Variants in STARD13 observed in about 807,000 individuals in gnomAD.
STARD13 encodes StAR related lipid transfer domain containing 13.
STARD13 carries 62 observed loss-of-function variants against 106.4 expected under a neutral mutation model. That is an observed-to-expected ratio of 0.58 (90% CI 0.48 to 0.72). The LOEUF is 0.72. STARD13 is among the 30% of genes least tolerant of loss of function. The pLI is 0.00. For missense variants in STARD13, 1,387 were observed against 1,424.0 expected (o/e 0.97, Z 0.42); for synonymous variants, 565 against 553.0 (o/e 1.02, Z -0.31).
At chr13:33,460,178 T>C in the STARD13 span, among the ~76,000 whole-genome samples, 2 of 152,102 alleles carry the variant, frequency 1.3e-5, no homozygotes, top group East Asian at 3.9e-4. Flanking sequence ...AATTATGGGA[T>C]GAAGGTCAAT....
chr13:33,188,788 A>G (rs775965455), intron 1 of STARD13, among the ~76,000 whole-genome samples: 5 of 152,224 alleles, frequency 3.3e-5, no homozygotes, highest in African/African-American at 1.2e-4. Flanking sequence ...TACTGACCAG[A>G]TGGGTACAAT....
the STARD13 span, among the ~76,000 whole-genome samples, chr13:33,505,435 A>G: frequency 6.6e-6 from 1 of 152,200 alleles, no homozygotes; most frequent in Non-Finnish European, 1.5e-5. Context: ...GAATCTTTAT[A>G]TATAGTAGGA....
chr13:33,136,120 C>A (rs199589779), intron 4 of STARD13, among the ~76,000 whole-genome samples: 9 of 145,356 alleles, frequency 6.2e-5, no homozygotes, highest in East Asian at 2.0e-4. Context: ...GACTCTACCT[C>A]AAAAAAAAAA....
chr13:33,438,688 C>A, the STARD13 span, among the ~76,000 whole-genome samples: 1 of 152,132 alleles, frequency 6.6e-6, no homozygotes, highest in Non-Finnish European at 1.5e-5. Context: ...GGCCTCCTTG[C>A]AAATCTCCCC....
chr13:33,115,220 T>C (rs1019068731), intron 8 of STARD13, among the ~76,000 whole-genome samples: 4 of 152,158 alleles, frequency 2.6e-5, no homozygotes, highest in African/African-American at 7.2e-5. Context: ...ATCCAAGAAG[T>C]GGCATAGCTG....
the STARD13 span, among the ~76,000 whole-genome samples, chr13:33,546,798 G>GT: frequency 6.6e-6 from 1 of 151,586 alleles, no homozygotes; most frequent in East Asian, 1.9e-4. Flanking sequence ...CAAGATTAAT[G>GT]TTTTTTATTT....
At chr13:33,114,335 C>T (rs1875056132) in intron 8 of STARD13, among the ~76,000 whole-genome samples, 1 of 152,116 alleles carries the variant, frequency 6.6e-6, no homozygotes, top group African/African-American at 2.4e-5. Flanking sequence ...CCTGCAGTCT[C>T]ATGCAGGAGG....
At chr13:33,385,467 TAA>T in the STARD13 span, among the ~76,000 whole-genome samples, 354 of 76,414 alleles carry the variant, frequency 4.6e-3, 4 homozygotes, top group African/African-American at 9.3e-3. Flanking sequence ...CCCAGAATGG[TAA>T]AAAAAAAAAA....
chr13:33,249,975 G>A (rs1038020779), intron 1 of STARD13, among the ~76,000 whole-genome samples: 3 of 151,928 alleles, frequency 2.0e-5, no homozygotes, highest in Non-Finnish European at 4.4e-5. Context: ...ATTTTTTGTA[G>A]AGATCAGGTC....
downstream of STARD13, among the ~76,000 whole-genome samples, chr13:33,343,834 T>C (rs1426269010): frequency 2.0e-5 from 3 of 151,872 alleles, no homozygotes; most frequent in Non-Finnish European, 4.4e-5. Flanking sequence ...AAATCAAAAC[T>C]TCTTTTCCTG....
At chr13:33,341,591 C>CA (rs543220774) in intron 1 of STARD13, among the ~76,000 whole-genome samples, 2,479 of 76,708 alleles carry the variant, frequency 0.032, 33 homozygotes, top group Non-Finnish European at 0.048. Flanking sequence ...ACTCCGTCTC[C>CA]AAAAAAAAAA....
the STARD13 span, among the ~76,000 whole-genome samples, chr13:33,445,153 A>G: frequency 6.6e-5 from 10 of 152,218 alleles, no homozygotes; most frequent in African/African-American, 2.4e-4. Flanking sequence ...GTCAAACTAG[A>G]AAGCAGTTTC....
intron 12 of STARD13, among the ~76,000 whole-genome samples, chr13:33,108,449 C>T (rs747603359): frequency 1.3e-5 from 2 of 150,758 alleles, no homozygotes; most frequent in African/African-American, 2.5e-5. Flanking sequence ...AAGACCCCGC[C>T]CTGACCATTC....
the STARD13 span, among the ~76,000 whole-genome samples, chr13:33,500,990 G>A: frequency 1.9e-3 from 275 of 147,564 alleles, 2 homozygotes; most frequent in East Asian, 7.9e-3. Context: ...TATAACTATC[G>A]GAAAAATATT....
At chr13:33,143,422 T>C (rs1880107337) in intron 3 of STARD13, among the ~76,000 whole-genome samples, 1 of 152,228 alleles carries the variant, frequency 6.6e-6, no homozygotes, top group Non-Finnish European at 1.5e-5. Flanking sequence ...AACACAACGT[T>C]TGTGAGATTG....
chr13:33,532,990 G>C, the STARD13 span, among the ~76,000 whole-genome samples: 9 of 152,192 alleles, frequency 5.9e-5, no homozygotes, highest in Non-Finnish European at 1.2e-4. Context: ...AAGAACCCAG[G>C]TGAGGCAAAC....
At chr13:33,666,619 C>T in the STARD13 span, among the ~76,000 whole-genome samples, 8 of 151,998 alleles carry the variant, frequency 5.3e-5, no homozygotes, top group South Asian at 2.1e-4. Context: ...GACAGAGTCA[C>T]GCTCTGTCAC....
chr13:33,218,580 T>A (rs962511377), intron 1 of STARD13, among the ~76,000 whole-genome samples: 2 of 152,204 alleles, frequency 1.3e-5, no homozygotes, highest in African/African-American at 4.8e-5. Context: ...CTCCAAAGCA[T>A]GTAATTCCAA....
the STARD13 span, among the ~76,000 whole-genome samples, chr13:33,669,214 T>TG: frequency 6.6e-6 from 1 of 152,172 alleles, no homozygotes; most frequent in South Asian, 2.1e-4. Flanking sequence ...CAGAAGCAGA[T>TG]GGGTGTAAAG....
Sources: allele counts gnomAD v4.1 joint callset (sites outside exome capture counted in the v4.1 genomes callset), GRCh38; gene constraint gnomAD v4.1.1; transcripts MANE v1.5; gene names NCBI Gene and HGNC (gene_info 2026-07-23, HGNC 2026-07-21).